Variants in ASTN2 observed in about 807,000 individuals in gnomAD.
ASTN2 encodes astrotactin 2, also known as astrotactin-2.
Under a neutral mutation model 139.8 loss-of-function variants are expected in ASTN2, and 54 were observed. That is an observed-to-expected ratio of 0.39 (90% CI 0.31 to 0.48). The LOEUF (loss-of-function observed/expected upper bound fraction) is 0.48. Ranked by LOEUF, ASTN2 falls within the 20% of genes least tolerant of loss-of-function variation. ASTN2 has a pLI of 0.95. For synonymous variants in ASTN2, 756 were observed against 719.5 expected, an observed-to-expected ratio of 1.05 and a Z score of -0.81; for missense variants, 1,565 against 1,725.1, an observed-to-expected ratio of 0.91 and a Z score of 1.64.
At chr9:116,558,348 C>A (rs1004279448) in intron 19 of ASTN2, among the ~76,000 whole-genome samples, 6 of 150,812 alleles carry the variant, frequency 4.0e-5, no homozygotes, top group African/African-American at 1.5e-4. Flanking sequence ...CTCTGCAAGA[C>A]AAGTATGGTC....
intron 13 of ASTN2, among the ~76,000 whole-genome samples, chr9:116,791,384 T>C: frequency 6.6e-6 from 1 of 152,234 alleles, no homozygotes; most frequent in East Asian, 1.9e-4. Flanking sequence ...GACCATAATG[T>C]AATACAGTAA....
intron 19 of ASTN2, among the ~76,000 whole-genome samples, chr9:116,610,518 C>T (rs1057328049): frequency 7.9e-5 from 12 of 152,162 alleles, no homozygotes; most frequent in Middle Eastern, 3.4e-3. Context: ...GCAGGAGAAT[C>T]GCTTGAATCC....
At chr9:117,289,821 T>A (rs1415524914) in intron 2 of ASTN2, among the ~76,000 whole-genome samples, 2 of 152,180 alleles carry the variant, frequency 1.3e-5, no homozygotes, top group Non-Finnish European at 2.9e-5. Context: ...TCTATCACAC[T>A]CATTCCATGA....
chr9:117,062,314 A>G (rs1839317807), intron 5 of ASTN2, among the ~76,000 whole-genome samples: 1 of 152,166 alleles, frequency 6.6e-6, no homozygotes, highest in African/African-American at 2.4e-5. Context: ...ATCTCTAGAC[A>G]GCCACCACTC....
chr9:117,078,134 C>T (rs1296498622), intron 5 of ASTN2, among the ~76,000 whole-genome samples: 1 of 152,176 alleles, frequency 6.6e-6, no homozygotes, highest in Non-Finnish European at 1.5e-5. Context: ...TCTCACCACA[C>T]CCAAGTCTTC....
rs374055553 is a variant in ASTN2 at position 116,698,205 on chromosome 9, C to A, written c.2806+27566G>T. 1.9e-6 allele frequency: 3 copies of A among 1,614,002 alleles called. No individual in the cohort carries two copies. The highest frequency in any genetic ancestry group is 2.5e-6 in the Non-Finnish European group (3 of 1,180,050). On this transcript the variant is annotated intron_variant, in intron 16 of 22. Coordinates refer to ENST00000313400, the MANE Select transcript of ASTN2 (RefSeq NM_001365068.1). This position sits in a 1 kb window ranked among gnomAD's most constrained non-coding sequence, Gnocchi z 4.4. ...TCGGGACTTTGGAGAGAAGTTAACT[C>A]GTCTGCGGGAACTTATGGGGGAGCT...
intron 10 of ASTN2, among the ~76,000 whole-genome samples, chr9:116,874,800 G>A (rs941094923): frequency 5.9e-5 from 9 of 152,078 alleles, no homozygotes; most frequent in African/African-American, 1.9e-4. Flanking sequence ...ATTGAAGGTC[G>A]GTGGCTACCC....
intron 3 of ASTN2, among the ~76,000 whole-genome samples, chr9:117,207,615 G>A (rs1338651932): frequency 1.3e-5 from 2 of 152,102 alleles, no homozygotes; most frequent in African/African-American, 2.4e-5. Flanking sequence ...ATATCCCCAG[G>A]CCAGCTGAAA....
chr9:117,301,305 TCTC>T (rs1471889791), intron 1 of ASTN2, among the ~76,000 whole-genome samples: 8 of 152,098 alleles, frequency 5.3e-5, no homozygotes, highest in African/African-American at 9.7e-5. Flanking sequence ...TACTTCTTCT[TCTC>T]CTCTTCCTTG....
chr9:116,450,301 T>C (rs1256041589), intron 20 of ASTN2, among the ~76,000 whole-genome samples: 1 of 149,564 alleles, frequency 6.7e-6, no homozygotes, highest in East Asian at 2.0e-4. Context: ...AAATATTTAC[T>C]ATCTGGACCT....
At chr9:116,735,251 T>C (rs1828896008) in intron 13 of ASTN2, among the ~76,000 whole-genome samples, 1 of 152,196 alleles carries the variant, frequency 6.6e-6, no homozygotes, top group Non-Finnish European at 1.5e-5. Flanking sequence ...TCCTTGTTTA[T>C]GTCTGTGTGT....
At chr9:117,192,876 T>C (rs4838272) in intron 3 of ASTN2, among the ~76,000 whole-genome samples, 3 of 152,170 alleles carry the variant, frequency 2.0e-5, no homozygotes, top group African/African-American at 7.2e-5. Flanking sequence ...CTCTCAAAAG[T>C]GTTCAATAAC....
At chr9:117,063,576 T>C (rs962749803) in intron 5 of ASTN2, among the ~76,000 whole-genome samples, 3 of 152,184 alleles carry the variant, frequency 2.0e-5, no homozygotes, top group Admixed American at 6.5e-5. Context: ...TAAACCCTTT[T>C]TCCTGTATAA....
At chr9:116,789,509 T>C (rs1316740937) in intron 13 of ASTN2, among the ~76,000 whole-genome samples, 4 of 152,196 alleles carry the variant, frequency 2.6e-5, no homozygotes, top group East Asian at 3.8e-4. Context: ...AATTATTCAG[T>C]AGTGATGTTA....
intron 10 of ASTN2, among the ~76,000 whole-genome samples, chr9:116,960,841 G>A (rs1245704170): frequency 6.6e-6 from 1 of 152,154 alleles, no homozygotes; most frequent in Non-Finnish European, 1.5e-5. Flanking sequence ...TAGATGCCAT[G>A]TTTACCTGAC....
At chr9:116,738,269 G>A (rs953309935) in intron 13 of ASTN2, among the ~76,000 whole-genome samples, 23 of 151,958 alleles carry the variant, frequency 1.5e-4, no homozygotes, top group African/African-American at 5.1e-4. Flanking sequence ...GGGAGGCTGA[G>A]GCAGAAAGAT....
intron 5 of ASTN2, among the ~76,000 whole-genome samples, chr9:117,072,922 G>A (rs1204851059): frequency 6.6e-6 from 1 of 152,028 alleles, no homozygotes; most frequent in Admixed American, 6.6e-5. Context: ...TGCAGGTAAG[G>A]CAAAAGAGTT....
chr9:117,412,648 C>T (rs958666197), intron 1 of ASTN2, among the ~76,000 whole-genome samples: 5 of 152,178 alleles, frequency 3.3e-5, no homozygotes, highest in Non-Finnish European at 5.9e-5. Flanking sequence ...ACCCAAGGAC[C>T]GTCTCATCCC....
chr9:116,647,696 C>T (rs1213074602), intron 17 of ASTN2, among the ~76,000 whole-genome samples: 2 of 152,142 alleles, frequency 1.3e-5, no homozygotes, highest in Non-Finnish European at 2.9e-5. Flanking sequence ...GTCACTGGAG[C>T]GAGTTCACAG....
Sources: gnomAD v4.1 joint callset for allele counts (sites outside exome capture counted in the v4.1 genomes callset) on GRCh38, gnomAD v4.1.1 for gene constraint, Gnocchi (gnomAD v3.1) non-coding constraint, MANE v1.5 for transcripts, NCBI Gene and HGNC (gene_info 2026-07-23, HGNC 2026-07-21) for gene names.